The following APBA3 variants were observed in gnomAD, a reference collection of about 807,000 sequenced individuals.
APBA3 encodes the protein amyloid beta precursor protein binding family A member 3.
Under a neutral mutation model 55.9 loss-of-function variants are expected in APBA3, and 45 were observed. The observed-to-expected ratio is 0.80, with a 90% CI of 0.63 to 1.03. APBA3 has a LOEUF of 1.03. APBA3 is among the 50% of genes least tolerant of loss of function. APBA3 has a pLI of 0.00. For missense variants in APBA3, 865 were observed against 820.3 expected, an observed-to-expected ratio of 1.05 and a Z score of -0.67; for synonymous variants, 370 against 353.3, an observed-to-expected ratio of 1.05 and a Z score of -0.53.
chr19:3,760,238 G>A lies in APBA3; in HGVS notation c.27C>T (p.Ser9=). The change falls in exon 2 of 11, where the codon TCC becomes TCT. Residue 9 remains serine (S), a synonymous_variant. Transcript: ENST00000316757. The stretch of plus-strand genomic sequence containing the variant: ...AGTCCATGGCTGGAGGCCCCGAAGG[G>A]GATCGGGAAATTGTGGGGAAGTCCA... The part of the protein sequence containing the change: MDFPTISR[S]PSGPPAMDLE... The A allele has an allele frequency of 6.2e-7, 1 of 1,604,476 alleles. No homozygotes were observed. Among genetic ancestry groups the A allele is most frequent in the Non-Finnish European group, 8.5e-7 (1 of 1,178,886 alleles).
In APBA3 at chr19:3,760,281, T is replaced by G. The variant is rs777561814; in HGVS notation, c.-17A>C. ...GAAGTCCATGCCTGGACTCCAGGCT[T>G]AGGCCGGCATCTTCAGGCAGCTGAA... is the stretch of plus-strand genomic sequence containing the variant. On this transcript the variant is annotated 5_prime_UTR_variant, in exon 2 of 11. An upstream open reading frame in the 5' UTR loses its in-frame stop. Transcript: ENST00000316757. 33 of 1,573,628 alleles carry G rather than the reference T, an allele frequency of 2.1e-5. No individual in the cohort carries two copies. The highest frequency in any genetic ancestry group is 2.6e-5 in the Non-Finnish European group (31 of 1,169,840).
At chr19:3,756,822 G>T (rs750717496) in intron 3 of APBA3, among the ~76,000 whole-genome samples, 2 of 152,024 alleles carry the variant, frequency 1.3e-5, no homozygotes, top group Non-Finnish European at 2.9e-5. Flanking sequence ...TATTTCTATT[G>T]TAGTTCCATC....
At chr19:3,757,216 A>G (rs1471693403) in intron 3 of APBA3, among the ~76,000 whole-genome samples, 1 of 151,666 alleles carries the variant, frequency 6.6e-6, no homozygotes, top group Non-Finnish European at 1.5e-5. Flanking sequence ...CTCCCACCTC[A>G]GCCTCCCAAG....
At chr19:3,752,784 G>C in intron 7 of APBA3, 36 bp downstream of exon 7, 1 of 1,610,214 alleles carries the variant, frequency 6.2e-7, no homozygotes, top group Non-Finnish European at 8.5e-7. Flanking sequence ...CGGGTGTGGG[G>C]GGCACCAGGT....
At chr19:3,758,002 T>G (rs2037098587) in intron 3 of APBA3, among the ~76,000 whole-genome samples, 1 of 152,114 alleles carries the variant, frequency 6.6e-6, no homozygotes, top group African/African-American at 2.4e-5. Context: ...TGGCGTGATC[T>G]CAGCTCACCG....
chr19:3,752,171 C>T (rs1035702833), intron 8 of APBA3, among the ~76,000 whole-genome samples: 13 of 152,118 alleles, frequency 8.5e-5, no homozygotes, highest in Admixed American at 3.9e-4. Context: ...CCAGGTGCAC[C>T]GCTGCACTCC....
rs184916429 is a variant in APBA3 at position 3,760,243 on chromosome 19, G to A, written c.22C>T (p.Arg8Ter). Reference sequence around the variant, plus strand: ...ATGGCTGGAGGCCCCGAAGGGGATCGGGAAATTGTGGGGAAGTCCATGCCT... The same window carrying A: ...ATGGCTGGAGGCCCCGAAGGGGATCAGGAAATTGTGGGGAAGTCCATGCCT... MDFPTIS[R>*]SPSGPPAMDL... Residue 8 changes from arginine to a stop codon, truncating the protein, a stop_gained, in exon 2 of 11, where the codon CGA becomes TGA. Coordinates refer to ENST00000316757, the MANE Select transcript of APBA3 (RefSeq NM_004886.4). LOFTEE classifies it high-confidence loss of function. The A allele has an allele frequency of 2.4e-4, 384 of 1,602,244 alleles. 3 individuals carry two copies. In the East Asian group the frequency reaches 7.8e-3, roughly 33 times the overall value.
intron 3 of APBA3, among the ~76,000 whole-genome samples, chr19:3,759,206 A>G (rs2037113777): frequency 6.6e-6 from 1 of 152,176 alleles, no homozygotes; most frequent in African/African-American, 2.4e-5. Flanking sequence ...TCCAGCCTGG[A>G]TAACAGAAGT....
intron 8 of APBA3, 111 bp downstream of exon 8, chr19:3,752,397 G>A (rs551155470): frequency 8.5e-6 from 9 of 1,057,696 alleles, no homozygotes; most frequent in African/African-American, 3.2e-5. Flanking sequence ...TTAAAAGTTC[G>A]ACTTTGTCCC....
At position 3,753,791 on chromosome 19, in the gene APBA3, G is replaced by A. The variant is rs751096210; in HGVS notation, c.985C>T (p.Leu329Phe). The change falls in exon 6 of 11, where the codon CTC becomes TTC. Residue 329 changes from leucine to phenylalanine, a missense_variant. Transcript: ENST00000316757. ...TCCTCCGCGTAGAATACGTGGCAGA[G>A]CATCTTGTAGAGGCGGCGGCCGTGG... ...QDHGRRLYKM[L>F]CHVFYAEDAQ... 5 of 1,566,348 alleles carry A rather than the reference G, an allele frequency of 3.2e-6. No homozygotes were observed. The highest frequency in any genetic ancestry group is 1.7e-4 in the Middle Eastern group (1 of 5,968).
rs755701813 is a variant in APBA3, at chr19:3,752,510, G to A, written c.1393C>T (p.Arg465Cys). ...LPLAACQAAV[R>C]ETKSQTSVTL... ...CCCTGCCACACCAGGAAACTCACGC[G>A]GACAGCGGCCTGGCACGCAGCCAGG... Residue 465 changes from arginine to cysteine, a missense_variant and splice_region_variant, in exon 8 of 11, where the codon CGC (arginine) becomes TGC (cysteine). Coordinates refer to ENST00000316757, the MANE Select transcript of APBA3 (RefSeq NM_004886.4). 1.1e-5 allele frequency: 17 copies of A among 1,571,406 alleles called. No individual in the cohort carries two copies. Among genetic ancestry groups the A allele is most frequent in the Middle Eastern group, 2.1e-4 (1 of 4,856 alleles).
chr19:3,752,405 C>T, intron 8 of APBA3, 103 bp downstream of exon 8: 1 of 1,120,504 alleles, frequency 8.9e-7, no homozygotes, highest in Non-Finnish European at 1.2e-6. Flanking sequence ...TCGACTTTGT[C>T]CCTCCTGGCT....
chr19:3,753,469 G>A (rs56394644), intron 6 of APBA3: 53,304 of 404,806 alleles, frequency 0.13, 4,124 homozygotes, highest in South Asian at 0.25. Flanking sequence ...GCAACAGAGC[G>A]AGACCGTGTC....
At chr19:3,756,321 A>C (rs1010792647) in intron 3 of APBA3, 2 of 152,132 alleles carry the variant, frequency 1.3e-5, no homozygotes, top group African/African-American at 4.8e-5. Context: ...TCTACTAAAA[A>C]TACCAAAATT....
intron 3 of APBA3, among the ~76,000 whole-genome samples, chr19:3,757,234 G>T (rs781457171): frequency 6.6e-6 from 1 of 152,068 alleles, no homozygotes; most frequent in Non-Finnish European, 1.5e-5. Flanking sequence ...AAGTAGCTGG[G>T]ATTATAGACC....
In APBA3 at chr19:3,760,169, G is replaced by A. The variant is rs1398178342; in HGVS notation, c.96C>T (p.Thr32=). The A allele has an allele frequency of 6.2e-7, 1 of 1,613,282 alleles. No homozygotes were observed. The highest frequency in any genetic ancestry group is 8.5e-7 in the Non-Finnish European group (1 of 1,180,016). ...RDILVPSEDL[T]PDSQWDPMPG... is the part of the protein sequence containing the mutation. ...GCATAGGGTCCCACTGGCTGTCAGG[G>A]GTGAGGTCCTCCGAAGGCACAAGAA... The change falls in exon 2 of 11, where the codon ACC becomes ACT. Residue 32 remains threonine, a synonymous_variant. Transcript: ENST00000316757.
chr19:3,759,520 G>C, intron 3 of APBA3, 41 bp downstream of exon 3: 1 of 1,562,728 alleles, frequency 6.4e-7, no homozygotes. Context: ...GGCTGTCTAG[G>C]GGCCTTCAGT....
Position 3,754,045 on chromosome 19 carries a change from T to A in APBA3, c.823A>T (p.Ile275Phe). Residue 275 changes from isoleucine (I) to phenylalanine (F), a missense_variant, in exon 5 of 11, where the codon ATC (isoleucine) becomes TTC (phenylalanine). By Grantham distance (21) the Ile-to-Phe change is conservative. Transcript: ENST00000316757. ...TGGGAGTCCGCTGTCAAGACCTTGA[T>A]CCTCTTGGTGGAGACGAACAGGTCC... is the stretch of plus-strand genomic sequence containing the variant. ...EVDLFVSTKR[I>F]KVLTADSQEA... 6.2e-7 allele frequency: 1 copy of A among 1,611,148 alleles called. No homozygotes were observed. Among genetic ancestry groups the A allele is most frequent in the Non-Finnish European group, 8.5e-7 (1 of 1,178,784 alleles).
chr19:3,753,996 T>A (rs776507332), intron 5 of APBA3, 23 bp downstream of exon 5: 2 of 1,598,596 alleles, frequency 1.3e-6, no homozygotes, highest in Admixed American at 1.7e-5. Flanking sequence ...CCCGCATCCC[T>A]GGGGCGGGTC....
Sources: gnomAD v4.1 joint callset for allele counts (sites outside exome capture counted in the v4.1 genomes callset) on GRCh38, gnomAD v4.1.1 for gene constraint, MANE v1.5 for transcripts, NCBI Gene and HGNC (gene_info 2026-07-23, HGNC 2026-07-21) for gene names.